The following CUL5 variants were observed in gnomAD, a reference collection of about 807,000 sequenced individuals.
CUL5 encodes the protein cullin-5.
CUL5 carries 26 observed loss-of-function variants against 108.8 expected under a neutral mutation model. The observed-to-expected ratio is 0.24, with a 90% confidence interval of 0.18 to 0.33. The LOEUF is 0.33. CUL5 is among the 10% of genes least tolerant of loss of function. The probability of loss-of-function intolerance (pLI) is 1.00; values close to 1 mark genes in which losing one functional copy is unlikely to be tolerated. For synonymous variants in CUL5, 334 were observed against 298.0 expected (o/e 1.12, Z -1.25); for missense variants, 524 against 909.2 (o/e 0.58, Z 5.45).
chr11:108,077,036 TG>T (rs1863956805), intron 10 of CUL5, among the ~76,000 whole-genome samples: 1 of 152,202 alleles, frequency 6.6e-6, no homozygotes, highest in African/African-American at 2.4e-5. Context: ...AAAATATGTT[TG>T]GCAGCTTCAG....
intron 7 of CUL5, among the ~76,000 whole-genome samples, chr11:108,064,091 C>T (rs552825053): frequency 1.2e-4 from 18 of 152,208 alleles, no homozygotes; most frequent in African/African-American, 4.3e-4. Context: ...AGTGGGCATC[C>T]TTGTCATGTT....
chr11:108,065,184 C>T (rs1238907324), intron 7 of CUL5, among the ~76,000 whole-genome samples: 1 of 151,980 alleles, frequency 6.6e-6, no homozygotes, highest in African/African-American at 2.4e-5. Flanking sequence ...CGCCACCACA[C>T]CCGGCTAATT....
chr11:108,072,015 A>G (rs1460245551), intron 8 of CUL5, among the ~76,000 whole-genome samples: 2 of 152,058 alleles, frequency 1.3e-5, no homozygotes, highest in East Asian at 1.9e-4. Flanking sequence ...TGTCTCTACA[A>G]AATTACAAAA....
At chr11:108,082,646 TTC>T (rs963497088) in intron 11 of CUL5, among the ~76,000 whole-genome samples, 1 of 152,016 alleles carries the variant, frequency 6.6e-6, no homozygotes, top group African/African-American at 2.4e-5. Context: ...TGATTTTTTT[TTC>T]TGTTTCTTTT....
chr11:108,083,924 C>G (rs961524260), intron 11 of CUL5, among the ~76,000 whole-genome samples: 2 of 152,198 alleles, frequency 1.3e-5, no homozygotes, highest in Admixed American at 1.3e-4. Flanking sequence ...CCCAGGACGG[C>G]TTTGAACGTG....
At position 108,079,513 on chromosome 11, in the gene CUL5, T is replaced by C. The variant is rs1322615861; in HGVS notation, c.1178+1273T>C. ...TACATTCGTCAGTCAACTTTTTAAG[T>C]GTATTTCTAAAGAAGTTGCAGGCAT... On this transcript the variant is annotated intron_variant, in intron 11 of 18. Transcript: ENST00000393094. Among the ~76,000 whole-genome samples, 5 of 152,238 alleles carry C rather than the reference T, an allele frequency of 3.3e-5. No homozygotes were observed. The South Asian group carries it at 8.3e-4, about 25-fold the overall frequency.
At chr11:108,066,204 C>T (rs982706592) in intron 7 of CUL5, among the ~76,000 whole-genome samples, 5 of 151,984 alleles carry the variant, frequency 3.3e-5, no homozygotes, top group Admixed American at 2.0e-4. Context: ...CTTAGCCAGG[C>T]GTGGTGGTGG....
rs531041317 is a variant in CUL5 at position 108,063,003 on chromosome 11, G to A, written c.781-7093G>A. Among the ~76,000 whole-genome samples the A allele has an allele frequency of 1.6e-4, 24 of 151,942 alleles. 1 individual carries two copies. The highest frequency in any genetic ancestry group is 2.2e-4 in the Non-Finnish European group (15 of 67,948). ...TGGGATTACAGGCATGCACCACCAC[G>A]CCCGGCTAATTTTGTATTTTTAGTA... On this transcript the variant is annotated intron_variant, in intron 7 of 18. Coordinates refer to ENST00000393094, the MANE Select transcript of CUL5 (RefSeq NM_003478.6).
chr11:108,045,385 A>C (rs1591294937), intron 2 of CUL5, among the ~76,000 whole-genome samples: 2 of 152,210 alleles, frequency 1.3e-5, no homozygotes, highest in Non-Finnish European at 2.9e-5. Flanking sequence ...TGAGGATTTG[A>C]GTTCAAGCCC....
chr11:108,018,229 C>T (rs906883115), intron 1 of CUL5, among the ~76,000 whole-genome samples: 4 of 152,196 alleles, frequency 2.6e-5, no homozygotes, highest in African/African-American at 7.2e-5. Context: ...TGAGCTTGGC[C>T]TGTTTGAGGA....
At chr11:108,063,661 A>AAATAAAT (rs150788059) in intron 7 of CUL5, among the ~76,000 whole-genome samples, 1 of 149,674 alleles carries the variant, frequency 6.7e-6, no homozygotes, top group Non-Finnish European at 1.5e-5. Flanking sequence ...AAATTTAAAA[A>AAATAAAT]AAATAAATAA....
chr11:108,050,802 C>T (rs1317966034), intron 4 of CUL5, among the ~76,000 whole-genome samples: 1 of 152,138 alleles, frequency 6.6e-6, no homozygotes, highest in South Asian at 2.1e-4. Flanking sequence ...CTTAACTCTT[C>T]TATTATAAAT....
chr11:108,057,283 C>G (rs1169621835), intron 7 of CUL5, among the ~76,000 whole-genome samples: 1 of 152,142 alleles, frequency 6.6e-6, no homozygotes, highest in Non-Finnish European at 1.5e-5. Flanking sequence ...CCACCTCGAC[C>G]TCCCAGAGTG....
intron 1 of CUL5, among the ~76,000 whole-genome samples, chr11:108,022,218 G>A (rs1411688864): frequency 7.9e-5 from 12 of 152,144 alleles, no homozygotes; most frequent in Admixed American, 7.2e-4. Context: ...CAGGCGTTAT[G>A]TAGGGATTTC....
At chr11:108,101,268 G>A (rs946809879) in intron 18 of CUL5, among the ~76,000 whole-genome samples, 4 of 152,200 alleles carry the variant, frequency 2.6e-5, no homozygotes, top group Non-Finnish European at 5.9e-5. Flanking sequence ...TTGCTTGACT[G>A]GTAATGACAG....
intron 10 of CUL5, among the ~76,000 whole-genome samples, chr11:108,077,134 G>A (rs1863959850): frequency 6.6e-6 from 1 of 152,174 alleles, no homozygotes; most frequent in Non-Finnish European, 1.5e-5. Flanking sequence ...TCCAAGGATT[G>A]GCCTAGGGCA....
intron 18 of CUL5, 74 bp downstream of exon 18, chr11:108,098,603 T>A (rs1423429635): frequency 3.9e-6 from 5 of 1,266,494 alleles, no homozygotes; most frequent in Non-Finnish European, 5.2e-6. Context: ...AATTTTGAAA[T>A]CTTTTTTGAA....
At chr11:108,012,625 C>T (rs1359793442) in intron 1 of CUL5, among the ~76,000 whole-genome samples, 3 of 148,710 alleles carry the variant, frequency 2.0e-5, no homozygotes, top group East Asian at 2.0e-4. Flanking sequence ...GATGGAGTTT[C>T]GCTCTTGTTG....
chr11:108,076,922 G>A (rs1863954323), intron 10 of CUL5, among the ~76,000 whole-genome samples: 1 of 152,232 alleles, frequency 6.6e-6, no homozygotes. Context: ...GATGGTTGCA[G>A]AGAGATCAGA....
Sources: allele counts gnomAD v4.1 joint callset (sites outside exome capture counted in the v4.1 genomes callset), GRCh38; gene constraint gnomAD v4.1.1; transcripts MANE v1.5; gene names NCBI Gene and HGNC (gene_info 2026-07-23, HGNC 2026-07-21).